The following ACOXL variants were observed in gnomAD, a reference collection of about 807,000 sequenced individuals.
The protein encoded by ACOXL is acyl-coenzyme A oxidase-like protein.
In ACOXL, 70 loss-of-function variants were observed where a neutral mutation model predicts 71.9. That is an observed-to-expected ratio of 0.97 (90% CI 0.80 to 1.19). ACOXL has a LOEUF of 1.19. Among genes scored for constraint, ACOXL ranks in the 50% most tolerant of loss-of-function variants. The pLI is 0.00. For synonymous variants in ACOXL, 253 were observed against 281.6 expected, an observed-to-expected ratio of 0.90 and a Z score of 1.02; for missense variants, 703 against 736.3, an observed-to-expected ratio of 0.95 and a Z score of 0.52.
chr2:110,883,933 G>A (rs1166252350), intron 10 of ACOXL, among the ~76,000 whole-genome samples: 1 of 152,104 alleles, frequency 6.6e-6, no homozygotes, highest in Non-Finnish European at 1.5e-5. Flanking sequence ...AGGGGAGGTT[G>A]GTTAAAGAAA....
rs186248274 is a variant in ACOXL, at chr2:111,064,760, T to C, written c.1440+15472T>C. Among the ~76,000 whole-genome samples, 216 of 152,276 alleles carry C rather than the reference T, an allele frequency of 1.4e-3. 1 individual carries two copies. Among genetic ancestry groups the C allele is most frequent in the African/African-American group, 4.9e-3 (204 of 41,558 alleles). On this transcript the variant is annotated intron_variant, in intron 16 of 17. Transcript: ENST00000439055. ...AAATTTCAAAAAACACCATGTACAA[T>C]GTCTCAAAAAATTAGAAATACTTAG... is the stretch of plus-strand genomic sequence containing the variant.
chr2:110,811,692 C>A (rs1330465826), intron 9 of ACOXL, among the ~76,000 whole-genome samples: 1 of 141,734 alleles, frequency 7.1e-6, no homozygotes, highest in Non-Finnish European at 1.5e-5. Context: ...TCATCCTGTT[C>A]TGCTCAGACT....
intron 12 of ACOXL, among the ~76,000 whole-genome samples, chr2:110,983,535 G>GC (rs1232243560): frequency 2.0e-5 from 3 of 152,146 alleles, no homozygotes; most frequent in Non-Finnish European, 4.4e-5. Flanking sequence ...GGGCTCCTGA[G>GC]CAGGTGTATA....
chr2:111,054,605 C>G (rs980394247), intron 16 of ACOXL, among the ~76,000 whole-genome samples: 3 of 152,160 alleles, frequency 2.0e-5, no homozygotes, highest in Non-Finnish European at 4.4e-5. Flanking sequence ...AATGCTGCCC[C>G]CAAATGCACA....
chr2:110,859,070 G>A (rs925303218), intron 10 of ACOXL, among the ~76,000 whole-genome samples: 1 of 152,186 alleles, frequency 6.6e-6, no homozygotes, highest in African/African-American at 2.4e-5. Flanking sequence ...ATAGCTCTGC[G>A]TTTAGGATAC....
chr2:111,011,358 A>C (rs796147227), intron 14 of ACOXL, among the ~76,000 whole-genome samples: 36 of 152,352 alleles, frequency 2.4e-4, no homozygotes, highest in African/African-American at 7.9e-4. Flanking sequence ...GAGAAGGACT[A>C]CAAATAGCAG....
chr2:111,061,902 A>T (rs2066835330), intron 16 of ACOXL, among the ~76,000 whole-genome samples: 3 of 152,050 alleles, frequency 2.0e-5, no homozygotes, highest in African/African-American at 7.2e-5. Context: ...CAAGTCATGC[A>T]TGGTAAGCCA....
At chr2:111,008,732 C>T (rs1283928984) in intron 14 of ACOXL, among the ~76,000 whole-genome samples, 1 of 152,128 alleles carries the variant, frequency 6.6e-6, no homozygotes, top group African/African-American at 2.4e-5. Flanking sequence ...GTTTTCATTC[C>T]ACTGAGTGAA....
rs548748325 is a variant in ACOXL at position 111,118,083 on chromosome 2, C to A, written c.*267C>A. ...GCCTGACTGCAACCTCTCCCAACTTCAGTGCCGGATCCCCTAGACAATCAG... is the reference window on the plus strand; with the variant it reads ...GCCTGACTGCAACCTCTCCCAACTTAAGTGCCGGATCCCCTAGACAATCAG... On this transcript the variant is annotated 3_prime_UTR_variant, in exon 18 of 18. Coordinates refer to ENST00000439055, the MANE Select transcript of ACOXL (RefSeq NM_001142807.4). 5.4e-6 allele frequency: 3 copies of A among 559,884 alleles called. No individual in the cohort carries two copies. The highest frequency in any genetic ancestry group is 3.1e-5 in the East Asian group (1 of 32,330). The allele number at this position is 559,884 out of a possible 1,614,324, so 34.7% of individuals were successfully genotyped here.
chr2:110,921,673 A>T (rs150772715), intron 11 of ACOXL, among the ~76,000 whole-genome samples: 1 of 151,768 alleles, frequency 6.6e-6, no homozygotes. Context: ...GATTACAGGC[A>T]TGAGCCACCG....
chr2:110,886,168 G>A (rs323642), intron 10 of ACOXL, among the ~76,000 whole-genome samples: 146,190 of 152,304 alleles, frequency 0.96, 70,443 homozygotes, highest in East Asian at 1. Context: ...CTGGTAGGAT[G>A]TATAATATAG....
chr2:110,970,382 C>T (rs189101509), intron 12 of ACOXL, among the ~76,000 whole-genome samples: 7 of 152,194 alleles, frequency 4.6e-5, no homozygotes, highest in Admixed American at 2.0e-4. Context: ...AGACTAAAGG[C>T]GAAAAAGTCA....
chr2:110,945,001 A>G (rs1273657404), intron 12 of ACOXL, among the ~76,000 whole-genome samples: 1 of 152,214 alleles, frequency 6.6e-6, no homozygotes, highest in Non-Finnish European at 1.5e-5. Context: ...CAACCTTGCC[A>G]GCATCTGTTA....
At position 110,785,219 on chromosome 2, in the gene ACOXL, C is replaced by T. The variant is rs1269233165; in HGVS notation, c.159+404C>T. ...AAATAATAATGCTCACAGAAAGTTACAAAAATAGTACATAGGGTCATGAGA... is the reference window on the plus strand; with the variant it reads ...AAATAATAATGCTCACAGAAAGTTATAAAAATAGTACATAGGGTCATGAGA... On this transcript the variant is annotated intron_variant, in intron 3 of 17. Coordinates refer to ENST00000439055, the MANE Select transcript of ACOXL (RefSeq NM_001142807.4). Among the ~76,000 whole-genome samples the T allele has an allele frequency of 3.9e-5, 6 of 152,078 alleles. No individual in the cohort carries two copies. The East Asian group carries it at 9.6e-4, about 24-fold the overall frequency.
chr2:110,857,422 G>A (rs1693393808), intron 10 of ACOXL, among the ~76,000 whole-genome samples: 1 of 152,162 alleles, frequency 6.6e-6, no homozygotes, highest in African/African-American at 2.4e-5. Flanking sequence ...CTGTGATTGG[G>A]TTAGTTAGTG....
chr2:110,794,612 C>G (rs1174166820), intron 5 of ACOXL, among the ~76,000 whole-genome samples: 1 of 152,170 alleles, frequency 6.6e-6, no homozygotes, highest in Non-Finnish European at 1.5e-5. Flanking sequence ...GCTGAGTCTT[C>G]TGTACTGGGA....
chr2:110,802,460 A>C (rs1280209691), intron 8 of ACOXL, among the ~76,000 whole-genome samples: 1 of 152,252 alleles, frequency 6.6e-6, no homozygotes, highest in Non-Finnish European at 1.5e-5. Context: ...ATCAGGGTAC[A>C]CACAACCAGC....
At chr2:111,069,985 A>AC (rs35220767) in intron 16 of ACOXL, among the ~76,000 whole-genome samples, 3 of 151,818 alleles carry the variant, frequency 2.0e-5, no homozygotes, top group South Asian at 2.1e-4. Flanking sequence ...CAGCCCTGTG[A>AC]CCCCCCAAAT....
intron 12 of ACOXL, among the ~76,000 whole-genome samples, chr2:110,969,960 A>G (rs1030322502): frequency 8.5e-5 from 13 of 152,308 alleles, no homozygotes; most frequent in Admixed American, 2.6e-4. Flanking sequence ...TATACTCTTA[A>G]AGAAACTGAA....
Sources: allele counts gnomAD v4.1 joint callset (sites outside exome capture counted in the v4.1 genomes callset), GRCh38; gene constraint gnomAD v4.1.1; transcripts MANE v1.5; gene names NCBI Gene and HGNC (gene_info 2026-07-23, HGNC 2026-07-21).